The following RBFOX1 variants were observed in gnomAD, a reference collection of about 807,000 sequenced individuals.
The protein encoded by RBFOX1 is RNA binding fox-1 homolog 1.
A neutral mutation model predicts 57.7 loss-of-function variants in RBFOX1; 8 were observed. The ratio of observed to expected loss-of-function variants is 0.14; its 90% CI spans 0.08 to 0.25. The LOEUF (loss-of-function observed/expected upper bound fraction) is 0.25. RBFOX1 is among the 10% of genes least tolerant of loss of function. The probability of loss-of-function intolerance (pLI) is 1.00; values close to 1 mark genes in which losing one functional copy is unlikely to be tolerated. For missense variants in RBFOX1, 611 were observed against 548.5 expected (o/e 1.11, Z -1.14); for synonymous variants, 326 against 222.4 (o/e 1.47, Z -4.15).
intron 4 of RBFOX1, among the ~76,000 whole-genome samples, chr16:7,193,713 C>G (rs1322900209): frequency 1.3e-5 from 2 of 152,166 alleles, no homozygotes; most frequent in South Asian, 2.1e-4. Context: ...GATGCTTAGT[C>G]AGAAATACAG....
intron 4 of RBFOX1, among the ~76,000 whole-genome samples, chr16:7,216,789 A>T (rs1010990862): frequency 1.3e-5 from 2 of 152,198 alleles, no homozygotes; most frequent in African/African-American, 4.8e-5. Context: ...AAAAATTCTT[A>T]GGGTAGCAGT....
intron 3 of RBFOX1, among the ~76,000 whole-genome samples, chr16:7,025,477 G>A (rs1207716382): frequency 6.6e-6 from 1 of 152,154 alleles, no homozygotes; most frequent in Non-Finnish European, 1.5e-5. Flanking sequence ...CATCCTAGTA[G>A]GTCTCAGCCT....
At chr16:5,521,746 C>G (rs1419648860) in intron 2 of RBFOX1, among the ~76,000 whole-genome samples, 2 of 152,234 alleles carry the variant, frequency 1.3e-5, no homozygotes, top group African/African-American at 4.8e-5. Flanking sequence ...CTCCTGTTCA[C>G]ACAATATACC....
intron 1 of RBFOX1, among the ~76,000 whole-genome samples, chr16:6,020,522 G>T (rs188330553): frequency 1.6e-4 from 25 of 152,272 alleles, no homozygotes; most frequent in African/African-American, 5.8e-4. Context: ...GTGTTTACTG[G>T]CACTGGAATC....
At position 7,620,728 on chromosome 16, in the gene RBFOX1, C is replaced by G. The variant is rs541787588; in HGVS notation, c.677-9875C>G. The stretch of plus-strand genomic sequence containing the variant: ...GCTGAAGGATATGTTTTTATCAACT[C>G]AGGACCAAGTATCACCATTGATAAA... On this transcript the variant is annotated intron_variant, in intron 10 of 15. Coordinates refer to ENST00000550418, the MANE Select transcript of RBFOX1 (RefSeq NM_018723.4). 7.2e-5 allele frequency among the ~76,000 whole-genome samples: 11 copies of G among 152,280 alleles called. No homozygotes were observed. The South Asian group carries it at 2.1e-3, about 29-fold the overall frequency.
intron 3 of RBFOX1, among the ~76,000 whole-genome samples, chr16:7,010,214 T>C (rs2093585596): frequency 6.6e-6 from 1 of 152,222 alleles, no homozygotes. Context: ...CATTATTAAG[T>C]CCTGAAGCTC....
intron 1 of RBFOX1, among the ~76,000 whole-genome samples, chr16:6,025,776 G>A (rs1439458328): frequency 3.9e-5 from 6 of 152,162 alleles, no homozygotes; most frequent in Non-Finnish European, 8.8e-5. Flanking sequence ...AGGCTACCCT[G>A]CCCTTAGAAG....
intron 1 of RBFOX1, among the ~76,000 whole-genome samples, chr16:6,278,583 C>T (rs947138254): frequency 6.6e-6 from 1 of 151,934 alleles, no homozygotes; most frequent in East Asian, 1.9e-4. Context: ...CTCTTTTGAG[C>T]TTTTTCGTAG....
chr16:6,792,416 A>C (rs979645510), intron 3 of RBFOX1, among the ~76,000 whole-genome samples: 1 of 152,212 alleles, frequency 6.6e-6, no homozygotes, highest in Non-Finnish European at 1.5e-5. Context: ...AAATAGGTAG[A>C]TTTAAATATA....
chr16:6,252,849 G>A (rs960353610), intron 1 of RBFOX1, among the ~76,000 whole-genome samples: 8 of 152,150 alleles, frequency 5.3e-5, no homozygotes, highest in African/African-American at 1.9e-4. Context: ...CGATGGGTGT[G>A]AATGGATCGT....
chr16:7,029,703 A>G (rs902122565), intron 3 of RBFOX1, among the ~76,000 whole-genome samples: 3 of 152,180 alleles, frequency 2.0e-5, no homozygotes, highest in East Asian at 1.9e-4. Context: ...GGGAGACTCT[A>G]TAATTATAGG....
At chr16:6,936,079 C>T (rs1256608848) in intron 3 of RBFOX1, among the ~76,000 whole-genome samples, 2 of 152,162 alleles carry the variant, frequency 1.3e-5, no homozygotes, top group African/African-American at 4.8e-5. Context: ...TGACTGCGGG[C>T]ATTTCCTTAG....
chr16:7,287,014 G>T (rs548871729), intron 4 of RBFOX1, among the ~76,000 whole-genome samples: 8 of 152,288 alleles, frequency 5.3e-5, no homozygotes, highest in African/African-American at 1.9e-4. Flanking sequence ...CATGAACGCA[G>T]GCAATGCGTG....
chr16:5,752,109 A>T (rs192192705), intron 3 of RBFOX1, among the ~76,000 whole-genome samples: 1 of 152,254 alleles, frequency 6.6e-6, no homozygotes, highest in Non-Finnish European at 1.5e-5. Flanking sequence ...GAACGAGATC[A>T]TGTCCTTTGC....
chr16:7,433,041 C>G (rs2098694573), intron 4 of RBFOX1, among the ~76,000 whole-genome samples: 2 of 152,142 alleles, frequency 1.3e-5, no homozygotes, highest in African/African-American at 4.8e-5. Context: ...ACGCAAAATT[C>G]CCGCATAATC....
intron 4 of RBFOX1, among the ~76,000 whole-genome samples, chr16:7,134,431 G>T (rs1444856195): frequency 6.6e-6 from 1 of 152,168 alleles, no homozygotes. Flanking sequence ...AGGATGTGAT[G>T]CATCCAATTA....
chr16:5,765,319 G>T (rs868696821), intron 3 of RBFOX1, among the ~76,000 whole-genome samples: 1 of 152,166 alleles, frequency 6.6e-6, no homozygotes, highest in South Asian at 2.1e-4. Flanking sequence ...AAAAGGTCAA[G>T]TTCAATCAAC....
At chr16:6,846,597 C>T (rs1025566866) in intron 3 of RBFOX1, among the ~76,000 whole-genome samples, 33 of 152,132 alleles carry the variant, frequency 2.2e-4, no homozygotes, top group African/African-American at 6.8e-4. Flanking sequence ...AATGTGGAAA[C>T]GCACGAAGAC....
At chr16:6,009,637 G>C (rs1345716294) in intron 4 of RBFOX1, among the ~76,000 whole-genome samples, 1 of 152,050 alleles carries the variant, frequency 6.6e-6, no homozygotes, top group East Asian at 1.9e-4. Flanking sequence ...CATGTTTTCA[G>C]AGAAGGGAAA....
Sources: allele counts gnomAD v4.1 joint callset (sites outside exome capture counted in the v4.1 genomes callset), GRCh38; gene constraint gnomAD v4.1.1; transcripts MANE v1.5; gene names NCBI Gene and HGNC (gene_info 2026-07-23, HGNC 2026-07-21).